The following TENM2 variants were observed in gnomAD, a reference collection of about 807,000 sequenced individuals.
TENM2 encodes the protein teneurin-2.
A neutral mutation model predicts 245.2 loss-of-function variants in TENM2; 52 were observed. That is an observed-to-expected ratio of 0.21 (90% CI 0.17 to 0.27). The LOEUF (loss-of-function observed/expected upper bound fraction) is 0.27, where lower values mean the gene tolerates loss of function less well. Ranked by LOEUF, TENM2 falls within the 10% of genes least tolerant of loss-of-function variation. The probability of loss-of-function intolerance (pLI) is 1.00; values close to 1 mark genes in which losing one functional copy is unlikely to be tolerated. For missense variants in TENM2, 3,046 were observed against 3,666.8 expected (o/e 0.83, Z 4.37); for synonymous variants, 1,363 against 1,438.9 (o/e 0.95, Z 1.19).
chr5:168,013,635 A>AC (rs1785435668), intron 5 of TENM2, among the ~76,000 whole-genome samples: 2 of 151,660 alleles, frequency 1.3e-5, no homozygotes, highest in East Asian at 1.9e-4. Context: ...ACAAAACAAA[A>AC]AGCCAAGTTT....
rs76189710 is a variant in TENM2, at chr5:167,489,929, A to T, written c.502+114456A>T. Among the ~76,000 whole-genome samples the T allele has an allele frequency of 4.6e-5, 7 of 152,274 alleles. No homozygotes were observed. In the East Asian group the frequency reaches 1.4e-3, roughly 29 times the overall value. On this transcript the variant is annotated intron_variant, in intron 2 of 28. Transcript: ENST00000518659. ...TAATATTAATATTCCATAATTTATT[A>T]GCTCCCTATTACTGGATATGTACAT...
chr5:167,533,528 C>T (rs1430640889), intron 2 of TENM2, among the ~76,000 whole-genome samples: 1 of 152,104 alleles, frequency 6.6e-6, no homozygotes, highest in Admixed American at 6.6e-5. Context: ...TCATGGCTCA[C>T]CGTAGCCTTG....
chr5:167,222,378 C>G, the TENM2 span, among the ~76,000 whole-genome samples: 1 of 152,214 alleles, frequency 6.6e-6, no homozygotes, highest in Non-Finnish European at 1.5e-5. Context: ...GGGCCTCTTT[C>G]TCTAAAACTT....
intron 2 of TENM2, among the ~76,000 whole-genome samples, chr5:167,577,065 C>T (rs1774744214): frequency 6.6e-6 from 1 of 152,180 alleles, no homozygotes; most frequent in Non-Finnish European, 1.5e-5. Flanking sequence ...CACGCTGGAA[C>T]TGCTCTGCTT....
At chr5:167,582,556 T>G (rs1276259672) in intron 2 of TENM2, among the ~76,000 whole-genome samples, 1 of 152,188 alleles carries the variant, frequency 6.6e-6, no homozygotes, top group Non-Finnish European at 1.5e-5. Flanking sequence ...AGTCGACTAA[T>G]GACATTAGGA....
At chr5:167,401,285 C>T (rs78864728) in intron 2 of TENM2, among the ~76,000 whole-genome samples, 4,659 of 152,054 alleles carry the variant, frequency 0.031, 249 homozygotes, top group East Asian at 0.21. Flanking sequence ...CACTCCTTTG[C>T]CTAAGGAGTG....
At chr5:167,427,327 C>T (rs140041466) in intron 2 of TENM2, among the ~76,000 whole-genome samples, 1,661 of 152,170 alleles carry the variant, frequency 0.011, 34 homozygotes, top group African/African-American at 0.038. Context: ...GTGGTGGGCA[C>T]CTGTAATCCC....
chr5:167,729,537 T>C (rs1760269116), intron 2 of TENM2, among the ~76,000 whole-genome samples: 1 of 152,228 alleles, frequency 6.6e-6, no homozygotes, highest in Admixed American at 6.5e-5. Flanking sequence ...GTTTAAAGGC[T>C]AATGTAATTG....
intron 2 of TENM2, among the ~76,000 whole-genome samples, chr5:167,505,869 G>A (rs534542096): frequency 2.0e-5 from 3 of 152,202 alleles, no homozygotes; most frequent in African/African-American, 4.8e-5. Context: ...GATGAAGGAA[G>A]TCTGTCTTAC....
At chr5:167,378,760 C>T (rs954531473) in intron 2 of TENM2, among the ~76,000 whole-genome samples, 1 of 151,892 alleles carries the variant, frequency 6.6e-6, no homozygotes, top group Non-Finnish European at 1.5e-5. Flanking sequence ...AGAAGAATAA[C>T]TAATTGCCTC....
In TENM2 at chr5:168,262,181, C is replaced by T. The variant is rs1041188717; in HGVS notation, c.7696C>T (p.Pro2566Ser). ...AGGTCACTGGTTTGCCACCACCACGCCCATCATTGGCAAAGGCATCATGTT... is the reference window on the plus strand; with the variant it reads ...AGGTCACTGGTTTGCCACCACCACGTCCATCATTGGCAAAGGCATCATGTT... Residue 2566 changes from proline (P) to serine (S), a missense_variant, in exon 29 of 29, where the codon CCC becomes TCC. This residue lies in a region of TENM2 where 2,704 missense variants were observed against 3,331.9 expected (regional missense o/e 0.81). Transcript: ENST00000518659. 5.6e-6 allele frequency: 9 copies of T among 1,612,286 alleles called. No individual in the cohort carries two copies. The highest frequency in any genetic ancestry group is 6.8e-6 in the Non-Finnish European group (8 of 1,179,154).
chr5:167,136,876 G>T, the TENM2 span, among the ~76,000 whole-genome samples: 16 of 152,174 alleles, frequency 1.1e-4, no homozygotes, highest in South Asian at 1.9e-3. Flanking sequence ...TAAATTTTCT[G>T]ACTGTATTAG....
At chr5:167,899,716 G>T (rs1775531920) in intron 3 of TENM2, among the ~76,000 whole-genome samples, 1 of 152,292 alleles carries the variant, frequency 6.6e-6, no homozygotes, top group Admixed American at 6.5e-5. Flanking sequence ...GGAAATCTCT[G>T]TCCATGTGGA....
In TENM2 at chr5:167,575,607, G is replaced by A. The variant is rs184993977; in HGVS notation, c.502+200134G>A. On this transcript the variant is annotated intron_variant, in intron 2 of 28. Transcript: ENST00000518659. ...AGTAGTGGGGAGTAGAGACCAAATGGACTGTGGGTCTGATCATACTTCATC... is the reference window on the plus strand; with the variant it reads ...AGTAGTGGGGAGTAGAGACCAAATGAACTGTGGGTCTGATCATACTTCATC... Among the ~76,000 whole-genome samples the A allele has an allele frequency of 1.2e-3, 182 of 152,250 alleles. 5 individuals carry two copies. The South Asian group carries it at 0.023, about 19-fold the overall frequency.
At chr5:167,499,099 C>A (rs945634599) in intron 2 of TENM2, among the ~76,000 whole-genome samples, 2 of 152,132 alleles carry the variant, frequency 1.3e-5, no homozygotes, top group Admixed American at 1.3e-4. Context: ...CCTTTCACAC[C>A]TAGCTTCATC....
intron 1 of TENM2, among the ~76,000 whole-genome samples, chr5:167,324,183 CTCAA>C (rs1259030685): frequency 6.6e-6 from 1 of 152,176 alleles, no homozygotes; most frequent in African/African-American, 2.4e-5. Flanking sequence ...ATTGTAGAAG[CTCAA>C]TCAATGACAA....
At chr5:167,479,972 G>A (rs754814165) in intron 2 of TENM2, among the ~76,000 whole-genome samples, 2 of 152,172 alleles carry the variant, frequency 1.3e-5, no homozygotes, top group African/African-American at 2.4e-5. Context: ...GAGTCAACCC[G>A]TCTGGGAATG....
intron 5 of TENM2, among the ~76,000 whole-genome samples, chr5:168,012,356 G>A (rs1246140505): frequency 6.6e-6 from 1 of 152,148 alleles, no homozygotes; most frequent in African/African-American, 2.4e-5. Context: ...CAAAACTGAA[G>A]GTGAGGCCAG....
chr5:167,686,998 T>C (rs1465233466), intron 2 of TENM2, among the ~76,000 whole-genome samples: 1 of 152,182 alleles, frequency 6.6e-6, no homozygotes, highest in Admixed American at 6.5e-5. Flanking sequence ...TTGAAAGGGC[T>C]ATTCTCAAAT....
Sources: gnomAD v4.1 joint callset for allele counts (sites outside exome capture counted in the v4.1 genomes callset) on GRCh38, gnomAD v4.1.1 for gene constraint, gnomAD v4.1.1 regional missense constraint, MANE v1.5 for transcripts, NCBI Gene and HGNC (gene_info 2026-07-23, HGNC 2026-07-21) for gene names.